COL22A1: variants seen among roughly 807,000 people sequenced by gnomAD.
The protein encoded by COL22A1 is collagen type XXII alpha 1 chain, also known as collagen alpha-1(XXII) chain.
Under a neutral mutation model 248.9 loss-of-function variants are expected in COL22A1, and 221 were observed. The ratio of observed to expected loss-of-function variants is 0.89; its 90% CI spans 0.80 to 0.99. The LOEUF (loss-of-function observed/expected upper bound fraction) is 0.99, where lower values mean the gene tolerates loss of function less well. COL22A1 is among the 50% of genes least tolerant of loss of function. COL22A1 has a pLI of 0.00. For missense variants in COL22A1, 2,240 were observed against 2,179.0 expected, an observed-to-expected ratio of 1.03 and a Z score of -0.56; for synonymous variants, 891 against 793.4, an observed-to-expected ratio of 1.12 and a Z score of -2.07.
chr8:138,843,498 A>G (rs1821028179), intron 4 of COL22A1, among the ~76,000 whole-genome samples: 1 of 152,148 alleles, frequency 6.6e-6, no homozygotes. Flanking sequence ...TAAAGTGCTG[A>G]GCAGGGTGCC....
At chr8:138,696,675 G>T (rs1027442600) in intron 32 of COL22A1, among the ~76,000 whole-genome samples, 1 of 152,192 alleles carries the variant, frequency 6.6e-6, no homozygotes, top group Non-Finnish European at 1.5e-5. Flanking sequence ...GCATGGAACC[G>T]ACATGGTCTA....
At chr8:138,731,493 T>C (rs1830704402) in intron 23 of COL22A1, among the ~76,000 whole-genome samples, 1 of 151,996 alleles carries the variant, frequency 6.6e-6, no homozygotes, top group South Asian at 2.1e-4. Context: ...TCAGTGGTGA[T>C]GCGGTGACCA....
At chr8:138,694,771 A>T (rs377084016) in intron 33 of COL22A1, 55 bp downstream of exon 33, 138 of 1,590,888 alleles carry the variant, frequency 8.7e-5, no homozygotes, top group Non-Finnish European at 1.2e-4. Flanking sequence ...CAGCCTTTGG[A>T]GTCCGGGTCT....
intron 1 of COL22A1, among the ~76,000 whole-genome samples, chr8:138,912,774 G>A (rs1228958282): frequency 6.6e-6 from 1 of 151,954 alleles, no homozygotes; most frequent in Non-Finnish European, 1.5e-5. Flanking sequence ...GTGTCAGGAT[G>A]GGGCTCTGGA....
rs778824940 is a variant in COL22A1 at position 138,613,870 on chromosome 8, TG to T, written c.3974del (p.Pro1325HisfsTer103). 7 of 1,613,820 alleles carry T rather than the reference TG, an allele frequency of 4.3e-6. No individual in the cohort carries two copies. Among genetic ancestry groups the T allele is most frequent in the Admixed American group, 1.7e-5 (1 of 60,026 alleles). ...GPQGPQGPRGPPGKNGSPGSP... is the reference protein window; with the variant it reads ...GPQGPQGPRGXPGKNGSPGSP... ...TTAGTCGCAAAGCAAAACTCACCGG[TG>T]GGCCCCTTGGTCCTTGGGGACCCTG... On this transcript the variant is annotated frameshift_variant, in exon 56 of 65. Coordinates refer to ENST00000303045, the MANE Select transcript of COL22A1 (RefSeq NM_152888.3). LOFTEE classifies it high-confidence loss of function.
intron 3 of COL22A1, among the ~76,000 whole-genome samples, chr8:138,877,525 G>A (rs1395109516): frequency 6.6e-6 from 1 of 152,156 alleles, no homozygotes; most frequent in Non-Finnish European, 1.5e-5. Context: ...CTGGATGGGA[G>A]AAGATATCCT....
chr8:138,887,859 G>A (rs1396833835), intron 1 of COL22A1, among the ~76,000 whole-genome samples: 1 of 152,198 alleles, frequency 6.6e-6, no homozygotes, highest in Non-Finnish European at 1.5e-5. Flanking sequence ...CAGTGTGGGA[G>A]TGTGCGGGTG....
At chr8:138,847,879 T>C (rs1488442172) in intron 3 of COL22A1, among the ~76,000 whole-genome samples, 1 of 152,120 alleles carries the variant, frequency 6.6e-6, no homozygotes, top group African/African-American at 2.4e-5. Flanking sequence ...CATTCCAAAT[T>C]TGCATGCATT....
At chr8:138,695,444 A>C (rs997345565) in intron 32 of COL22A1, among the ~76,000 whole-genome samples, 1 of 151,980 alleles carries the variant, frequency 6.6e-6, no homozygotes, top group Non-Finnish European at 1.5e-5. Context: ...TCCTCCCTGC[A>C]CAGCCTCCTG....
intron 37 of COL22A1, among the ~76,000 whole-genome samples, chr8:138,686,218 G>A (rs981500130): frequency 7.2e-5 from 11 of 152,236 alleles, no homozygotes; most frequent in Admixed American, 1.3e-4. Context: ...GAGAGAGTGT[G>A]AGAGTGCTAG....
chr8:138,686,246 G>C (rs1382057658), intron 37 of COL22A1, among the ~76,000 whole-genome samples: 2 of 152,154 alleles, frequency 1.3e-5, no homozygotes, highest in East Asian at 3.9e-4. Flanking sequence ...ACCGGGGTCG[G>C]CTTGAGGACC....
At position 138,693,925 on chromosome 8, in the gene COL22A1, T is replaced by C. The variant is rs963801468; in HGVS notation, c.2701-226A>G. Reference sequence around the variant, plus strand: ...CCATCCTCACCACCTACCCAGGGTATAGGGGTCAGCACCGACCCTCTGTAG... The same window carrying C: ...CCATCCTCACCACCTACCCAGGGTACAGGGGTCAGCACCGACCCTCTGTAG... On this transcript the variant is annotated intron_variant, in intron 34 of 64. Transcript: ENST00000303045. Among the ~76,000 whole-genome samples the C allele has an allele frequency of 2.0e-5, 3 of 152,158 alleles. No homozygotes were observed. In the East Asian group the frequency reaches 5.8e-4, roughly 29 times the overall value.
intron 37 of COL22A1, among the ~76,000 whole-genome samples, chr8:138,686,582 T>C (rs1826373339): frequency 6.6e-6 from 1 of 152,208 alleles, no homozygotes; most frequent in Admixed American, 6.5e-5. Context: ...AAGTATGCTG[T>C]GATGTCCGGG....
chr8:138,866,335 G>T (rs79662522), intron 3 of COL22A1, among the ~76,000 whole-genome samples: 2,747 of 152,306 alleles, frequency 0.018, 78 homozygotes, highest in African/African-American at 0.062. Flanking sequence ...GAGGCACTCA[G>T]AAGTGCAGAG....
At chr8:138,858,264 C>T (rs752922773) in intron 3 of COL22A1, among the ~76,000 whole-genome samples, 4 of 152,074 alleles carry the variant, frequency 2.6e-5, no homozygotes, top group Non-Finnish European at 5.9e-5. Context: ...GGGAAGTGGG[C>T]GAGAGAAAGT....
chr8:138,700,179 C>G, intron 31 of COL22A1, 35 bp from the exon 32 acceptor site: 1 of 1,606,814 alleles, frequency 6.2e-7, no homozygotes, highest in Non-Finnish European at 8.5e-7. Context: ...GAAAGATGGG[C>G]ATCAAGGAAC....
intron 57 of COL22A1, among the ~76,000 whole-genome samples, 157 bp from the exon 58 acceptor site, chr8:138,606,609 G>A (rs961573540): frequency 2.6e-5 from 4 of 152,120 alleles, no homozygotes; most frequent in African/African-American, 4.8e-5. Context: ...GAAAAGACAC[G>A]GGGTCTTGGG....
intron 52 of COL22A1, among the ~76,000 whole-genome samples, chr8:138,619,841 A>T (rs1320781750): frequency 1.3e-5 from 2 of 152,190 alleles, no homozygotes; most frequent in African/African-American, 4.8e-5. Context: ...CTTTATGCCC[A>T]CTTGCAAAAA....
chr8:138,778,162 T>C, intron 15 of COL22A1, 191 bp downstream of exon 15: 3 of 688,948 alleles, frequency 4.4e-6, no homozygotes, highest in Non-Finnish European at 5.3e-6. Context: ...AAACTTGTTC[T>C]CTGGGTGATT....
Sources: gnomAD v4.1 joint callset for allele counts (sites outside exome capture counted in the v4.1 genomes callset) on GRCh38, gnomAD v4.1.1 for gene constraint, MANE v1.5 for transcripts, NCBI Gene and HGNC (gene_info 2026-07-23, HGNC 2026-07-21) for gene names.